Variants in GRID2 observed in about 807,000 individuals in gnomAD.
The protein encoded by GRID2 is glutamate receptor ionotropic, delta-2.
In GRID2, 33 loss-of-function variants were observed where a neutral mutation model predicts 114.8. The ratio of observed to expected loss-of-function variants is 0.29; its 90% CI spans 0.22 to 0.38. The LOEUF (loss-of-function observed/expected upper bound fraction) is 0.38. Ranked by LOEUF, GRID2 falls within the 10% of genes least tolerant of loss-of-function variation. GRID2 has a pLI of 1.00. For missense variants in GRID2, 1,184 were observed against 1,257.7 expected, an observed-to-expected ratio of 0.94 and a Z score of 0.89; for synonymous variants, 505 against 449.9, an observed-to-expected ratio of 1.12 and a Z score of -1.55.
At chr4:93,420,637 C>A in intron 9 of GRID2, among the ~76,000 whole-genome samples, 1 of 151,648 alleles carries the variant, frequency 6.6e-6, no homozygotes, top group Middle Eastern at 3.4e-3. Context: ...TAATGATCTT[C>A]AATATTCATT....
intron 1 of GRID2, among the ~76,000 whole-genome samples, chr4:92,437,958 T>G (rs761662728): frequency 2.0e-5 from 3 of 152,164 alleles, no homozygotes; most frequent in Non-Finnish European, 4.4e-5. Flanking sequence ...ATTTTTTTCT[T>G]GAGCCAAGAT....
At chr4:93,003,663 C>T (rs913417791) in intron 2 of GRID2, among the ~76,000 whole-genome samples, 1 of 151,830 alleles carries the variant, frequency 6.6e-6, no homozygotes, top group African/African-American at 2.4e-5. Flanking sequence ...TGTCAGGGTA[C>T]CTTGAAGAAA....
chr4:93,513,818 A>G lies in GRID2; in HGVS notation c.1998-1398A>G, dbSNP rs543498863. ...TTCTGACAAACATGGCCCATAATGTATTGTTTCCAACACAATTTTGTACAT... is the reference window on the plus strand; with the variant it reads ...TTCTGACAAACATGGCCCATAATGTGTTGTTTCCAACACAATTTTGTACAT... On this transcript the variant is annotated intron_variant, in intron 12 of 15. Transcript: ENST00000282020. 2.6e-5 allele frequency among the ~76,000 whole-genome samples: 4 copies of G among 152,328 alleles called. No homozygotes were observed. In the South Asian group the frequency reaches 8.3e-4, roughly 32 times the overall value.
chr4:92,647,601 C>T (rs1258345631), intron 2 of GRID2, among the ~76,000 whole-genome samples: 1 of 149,500 alleles, frequency 6.7e-6, no homozygotes, highest in African/African-American at 2.5e-5. Flanking sequence ...AGATAAAATA[C>T]ATATTTTCTG....
intron 2 of GRID2, among the ~76,000 whole-genome samples, chr4:92,828,831 C>T (rs1578253124): frequency 6.6e-6 from 1 of 152,096 alleles, no homozygotes. Context: ...AGTGTCTGTA[C>T]ATATTCTTCA....
At chr4:92,891,110 G>A (rs1746750169) in intron 2 of GRID2, among the ~76,000 whole-genome samples, 1 of 151,970 alleles carries the variant, frequency 6.6e-6, no homozygotes, top group Non-Finnish European at 1.5e-5. Context: ...CCAGGGGCCT[G>A]TTGGGGAGTC....
At chr4:93,179,794 A>G (rs1433493614) in intron 4 of GRID2, among the ~76,000 whole-genome samples, 2 of 152,158 alleles carry the variant, frequency 1.3e-5, no homozygotes, top group African/African-American at 4.8e-5. Context: ...AAACAACACT[A>G]CTAATGGACA....
rs1337974474 is a variant in GRID2, at chr4:93,333,232, G to A, written c.1246-62375G>A. ...TTAAACTTTAATGTGCAGTTGAATTGCTCCAGGATCTTGTAAAATGCACAT... is the reference window on the plus strand; with the variant it reads ...TTAAACTTTAATGTGCAGTTGAATTACTCCAGGATCTTGTAAAATGCACAT... On this transcript the variant is annotated intron_variant, in intron 8 of 15. Coordinates refer to ENST00000282020, the MANE Select transcript of GRID2 (RefSeq NM_001510.4). Among the ~76,000 whole-genome samples, 4 of 151,936 alleles carry A rather than the reference G, an allele frequency of 2.6e-5. No individual in the cohort carries two copies. In the East Asian group the frequency reaches 7.7e-4, roughly 29 times the overall value.
intron 1 of GRID2, among the ~76,000 whole-genome samples, chr4:92,305,780 G>A (rs1030310255): frequency 6.6e-6 from 1 of 152,198 alleles, no homozygotes; most frequent in African/African-American, 2.4e-5. Context: ...TAATCCGTGA[G>A]AGCTGAGCGG....
intron 2 of GRID2, among the ~76,000 whole-genome samples, chr4:93,004,244 T>G (rs1721283904): frequency 6.6e-6 from 1 of 151,964 alleles, no homozygotes; most frequent in African/African-American, 2.4e-5. Context: ...ACCTTTAGAT[T>G]TGATCATGGT....
At chr4:92,451,612 C>A (rs1231217258) in intron 1 of GRID2, among the ~76,000 whole-genome samples, 2 of 151,976 alleles carry the variant, frequency 1.3e-5, no homozygotes, top group East Asian at 3.9e-4. Context: ...GAAGTAGAAG[C>A]AAATCCTTTG....
At chr4:92,945,449 A>G (rs1382551728) in intron 2 of GRID2, among the ~76,000 whole-genome samples, 1 of 152,158 alleles carries the variant, frequency 6.6e-6, no homozygotes, top group Non-Finnish European at 1.5e-5. Context: ...GAAAGTCTAG[A>G]AAAATGTGGC....
intron 2 of GRID2, among the ~76,000 whole-genome samples, chr4:92,893,442 G>C (rs1211858251): frequency 1.3e-5 from 2 of 152,170 alleles, no homozygotes. Flanking sequence ...CTGAGCCCTT[G>C]TCCTGGCTCT....
rs1726911230 is a variant in GRID2, at chr4:93,490,713, A to G, written c.1933A>G (p.Ile645Val). Reference protein sequence around the residue: ...GAWWLFALIVISSYTANLAAF... With the variant: ...GAWWLFALIVVSSYTANLAAF... ...TTGGTGGCTATTTGCTTTGATTGTT[A>G]TCTCATCTTACACGGCAAACCTCGC... is the stretch of plus-strand genomic sequence containing the variant. The change falls in exon 12 of 16, where the codon ATC becomes GTC. Residue 645 changes from isoleucine to valine, a missense_variant. Coordinates refer to ENST00000282020, the MANE Select transcript of GRID2 (RefSeq NM_001510.4). 1.2e-6 allele frequency: 2 copies of G among 1,610,386 alleles called. No homozygotes were observed. Among genetic ancestry groups the G allele is most frequent in the East Asian group, 2.2e-5 (1 of 44,778 alleles).
chr4:93,784,483 A>G (rs112514187), intron 1 of GRID2, among the ~76,000 whole-genome samples: 124 of 152,298 alleles, frequency 8.1e-4, no homozygotes, highest in African/African-American at 2.9e-3. Flanking sequence ...TGTAAAAGCA[A>G]TGCACAAAAA....
intron 2 of GRID2, among the ~76,000 whole-genome samples, chr4:92,748,030 C>T (rs989383507): frequency 6.6e-6 from 1 of 152,092 alleles, no homozygotes; most frequent in Non-Finnish European, 1.5e-5. Context: ...CTTTCTAGGA[C>T]TAAGACAATG....
chr4:92,578,086 CT>C lies in GRID2; in HGVS notation c.89-12043del, dbSNP rs1470711376. 2.2e-3 allele frequency among the ~76,000 whole-genome samples: 121 copies of C among 55,312 alleles called. 1 individual carries two copies. The highest frequency in any genetic ancestry group is 0.011 in the Admixed American group (59 of 5,574). The allele number at this position is 55,312 out of a possible 152,430, so 36.3% of individuals were successfully genotyped here. On this transcript the variant is annotated intron_variant, in intron 1 of 15. Coordinates refer to ENST00000282020, the MANE Select transcript of GRID2 (RefSeq NM_001510.4). ...TCTTCTTCTTCTTCTTCTTCTTCTT[CT>C]TCTTCTTCTTCTTCTTCTTCTTCTT...
chr4:93,389,982 T>A (rs923421461), intron 8 of GRID2, among the ~76,000 whole-genome samples: 3 of 152,078 alleles, frequency 2.0e-5, no homozygotes, highest in Admixed American at 2.0e-4. Flanking sequence ...AGAGACGGGG[T>A]TTCACCATGT....
chr4:93,481,162 A>C (rs1424183509), intron 11 of GRID2, among the ~76,000 whole-genome samples: 1 of 151,992 alleles, frequency 6.6e-6, no homozygotes, highest in Non-Finnish European at 1.5e-5. Flanking sequence ...TTTGGGACCT[A>C]ATTTGTAGCA....
Sources: gnomAD v4.1 joint callset for allele counts (sites outside exome capture counted in the v4.1 genomes callset) on GRCh38, gnomAD v4.1.1 for gene constraint, MANE v1.5 for transcripts, NCBI Gene and HGNC (gene_info 2026-07-23, HGNC 2026-07-21) for gene names.